LDLRAD3: variants seen among roughly 807,000 people sequenced by gnomAD.
LDLRAD3 encodes low-density lipoprotein receptor class A domain-containing protein 3.
Under a neutral mutation model 29.4 loss-of-function variants are expected in LDLRAD3, and 20 were observed. The ratio of observed to expected loss-of-function variants is 0.68; its 90% CI spans 0.48 to 0.99. The LOEUF (loss-of-function observed/expected upper bound fraction) is 0.99, where lower values mean the gene tolerates loss of function less well. Ranked by LOEUF, LDLRAD3 falls within the 50% of genes least tolerant of loss-of-function variation. The pLI, the probability that LDLRAD3 is intolerant of heterozygous loss-of-function variation, is 0.00. For missense variants in LDLRAD3, 420 were observed against 454.3 expected (o/e 0.92, Z 0.69); for synonymous variants, 157 against 192.7 (o/e 0.81, Z 1.53).
intron 4 of LDLRAD3, among the ~76,000 whole-genome samples, chr11:36,103,513 A>C (rs1342119278): frequency 6.6e-6 from 1 of 152,162 alleles, no homozygotes; most frequent in East Asian, 1.9e-4. Context: ...TGCTGGGATT[A>C]CAGGCGTGAG....
At chr11:36,031,893 G>A (rs1852239959) in intron 1 of LDLRAD3, among the ~76,000 whole-genome samples, 1 of 152,342 alleles carries the variant, frequency 6.6e-6, no homozygotes, top group East Asian at 1.9e-4. Flanking sequence ...AAAGTCCACA[G>A]ACTGGGTGGC....
chr11:35,976,493 CA>C (rs963461575), intron 1 of LDLRAD3, among the ~76,000 whole-genome samples: 3 of 151,966 alleles, frequency 2.0e-5, no homozygotes, highest in African/African-American at 4.8e-5. Flanking sequence ...TATGGAGGCC[CA>C]GGGGCAATGG....
chr11:36,050,728 T>A (rs1326288067), intron 2 of LDLRAD3, among the ~76,000 whole-genome samples: 1 of 152,186 alleles, frequency 6.6e-6, no homozygotes, highest in Non-Finnish European at 1.5e-5. Flanking sequence ...ACCCTCTGCT[T>A]TATTTTTTTC....
intron 4 of LDLRAD3, among the ~76,000 whole-genome samples, chr11:36,148,254 G>T (rs974684115): frequency 2.6e-5 from 4 of 152,094 alleles, no homozygotes; most frequent in Admixed American, 2.0e-4. Flanking sequence ...GCCCAGTGAT[G>T]GTCCTCTCCT....
intron 4 of LDLRAD3, 49 bp downstream of exon 4, chr11:36,098,510 G>A: frequency 6.2e-7 from 1 of 1,604,416 alleles, no homozygotes; most frequent in Non-Finnish European, 8.5e-7. Context: ...CAACACTGCA[G>A]TAATGGAACA....
At chr11:36,117,042 T>C (rs1853686042) in intron 4 of LDLRAD3, among the ~76,000 whole-genome samples, 1 of 152,090 alleles carries the variant, frequency 6.6e-6, no homozygotes, top group African/African-American at 2.4e-5. Context: ...GGTTTCACCA[T>C]GTTGGCCAGG....
At chr11:36,175,288 T>C (rs1854659302) in intron 4 of LDLRAD3, among the ~76,000 whole-genome samples, 1 of 152,060 alleles carries the variant, frequency 6.6e-6, no homozygotes, top group Admixed American at 6.6e-5. Context: ...TCTTCTGTAA[T>C]TTTTTTTGTT....
At chr11:36,126,449 C>T (rs1481417818) in intron 4 of LDLRAD3, among the ~76,000 whole-genome samples, 6 of 152,120 alleles carry the variant, frequency 3.9e-5, no homozygotes, top group African/African-American at 1.4e-4. Context: ...TAAGTTATCA[C>T]CAAGACCCCT....
At chr11:36,045,442 A>C (rs1183348106) in intron 2 of LDLRAD3, among the ~76,000 whole-genome samples, 1 of 152,222 alleles carries the variant, frequency 6.6e-6, no homozygotes, top group East Asian at 1.9e-4. Flanking sequence ...TAGATGTCTA[A>C]GGCAAGGTGT....
At chr11:35,979,341 A>G (rs955521021) in intron 1 of LDLRAD3, among the ~76,000 whole-genome samples, 9 of 152,196 alleles carry the variant, frequency 5.9e-5, no homozygotes, top group South Asian at 2.1e-4. Flanking sequence ...CTGCCGTTCC[A>G]TATTTGCTTG....
chr11:36,099,521 G>C (rs1219951237), intron 4 of LDLRAD3, among the ~76,000 whole-genome samples: 1 of 152,120 alleles, frequency 6.6e-6, no homozygotes, highest in Admixed American at 6.5e-5. Flanking sequence ...GTGTTCTACT[G>C]TATGATTGTA....
At chr11:35,959,664 A>G (rs962690954) in intron 1 of LDLRAD3, among the ~76,000 whole-genome samples, 6 of 152,094 alleles carry the variant, frequency 3.9e-5, no homozygotes, top group East Asian at 1.9e-4. Flanking sequence ...GCTCATACCT[A>G]TAATCTTAGC....
At chr11:36,207,066 T>G (rs61879040) in intron 4 of LDLRAD3, among the ~76,000 whole-genome samples, 10,179 of 152,188 alleles carry the variant, frequency 0.067, 440 homozygotes, top group East Asian at 0.17. Context: ...TGGCTTAAGA[T>G]CTCTCATGTG....
At chr11:36,103,981 A>T (rs1853488863) in intron 4 of LDLRAD3, among the ~76,000 whole-genome samples, 1 of 152,192 alleles carries the variant, frequency 6.6e-6, no homozygotes, top group Non-Finnish European at 1.5e-5. Flanking sequence ...ACTATTGTGA[A>T]TCATTATGGT....
intron 4 of LDLRAD3, among the ~76,000 whole-genome samples, chr11:36,152,687 G>A (rs1047719476): frequency 1.3e-5 from 2 of 152,200 alleles, no homozygotes; most frequent in East Asian, 3.9e-4. Context: ...ACAGAAAGGT[G>A]TGCAGAAAAA....
chr11:36,186,617 G>C (rs1854853109), intron 4 of LDLRAD3, among the ~76,000 whole-genome samples: 1 of 152,174 alleles, frequency 6.6e-6, no homozygotes, highest in South Asian at 2.1e-4. Context: ...GGAATCAGGA[G>C]ATCTCTGGGA....
At chr11:36,071,945 C>T (rs1285148718) in intron 2 of LDLRAD3, among the ~76,000 whole-genome samples, 1 of 152,226 alleles carries the variant, frequency 6.6e-6, no homozygotes. Context: ...CCACAGAATA[C>T]TTCCCCACGT....
intron 4 of LDLRAD3, among the ~76,000 whole-genome samples, chr11:36,225,073 A>AAAACAGAC (rs777517844): frequency 1.3e-5 from 2 of 152,194 alleles, no homozygotes; most frequent in Non-Finnish European, 2.9e-5. Context: ...AGCAGTGAAC[A>AAAACAGAC]AAACAGACGC....
In LDLRAD3 at chr11:36,021,265, A is replaced by G. The variant is rs544333094; in HGVS notation, c.47-14838A>G. On this transcript the variant is annotated intron_variant, in intron 1 of 5. Coordinates refer to ENST00000315571, the MANE Select transcript of LDLRAD3 (RefSeq NM_174902.4). ...CGTGAAGGTCCAACTAATAGTGGAC[A>G]AAATGACTTAACTAGGGAAGATATC... Among the ~76,000 whole-genome samples the G allele has an allele frequency of 8.5e-5, 13 of 152,348 alleles. No individual in the cohort carries two copies. In the South Asian group the frequency reaches 1.9e-3, roughly 22 times the overall value.
Sources: gnomAD v4.1 joint callset for allele counts (sites outside exome capture counted in the v4.1 genomes callset) on GRCh38, gnomAD v4.1.1 for gene constraint, MANE v1.5 for transcripts, NCBI Gene and HGNC (gene_info 2026-07-23, HGNC 2026-07-21) for gene names.